ARHGAP15: variants seen among roughly 807,000 people sequenced by gnomAD.
ARHGAP15 encodes the protein rho GTPase-activating protein 15.
A neutral mutation model predicts 63.7 loss-of-function variants in ARHGAP15; 51 were observed. That is an observed-to-expected ratio of 0.80 (90% confidence interval 0.64 to 1.01). The LOEUF (loss-of-function observed/expected upper bound fraction) is 1.01, where lower values mean the gene tolerates loss of function less well. ARHGAP15 is among the 50% of genes least tolerant of loss of function. ARHGAP15 has a pLI of 0.00. For synonymous variants in ARHGAP15, 191 were observed against 193.8 expected (o/e 0.99, Z 0.12); for missense variants, 560 against 564.6 (o/e 0.99, Z 0.08).
intron 12 of ARHGAP15, among the ~76,000 whole-genome samples, chr2:143,661,185 C>T (rs77696964): frequency 0.019 from 2,885 of 152,216 alleles, 49 homozygotes; most frequent in Non-Finnish European, 0.026. Context: ...CAGATCAGGC[C>T]CACCCCAATA....
chr2:143,707,303 T>C (rs1181629856), intron 13 of ARHGAP15, among the ~76,000 whole-genome samples: 4 of 152,220 alleles, frequency 2.6e-5, no homozygotes, highest in African/African-American at 9.6e-5. Flanking sequence ...TTGTCTCCCA[T>C]ATCCAGTCAG....
chr2:143,341,677 C>CT (rs1487620119), intron 6 of ARHGAP15, among the ~76,000 whole-genome samples: 1 of 152,040 alleles, frequency 6.6e-6, no homozygotes, highest in Admixed American at 6.6e-5. Flanking sequence ...AAATTTCTTG[C>CT]TTACTCTGCA....
At chr2:143,304,170 CATT>C (rs1438447403) in intron 6 of ARHGAP15, among the ~76,000 whole-genome samples, 1 of 152,072 alleles carries the variant, frequency 6.6e-6, no homozygotes, top group East Asian at 1.9e-4. Context: ...TTTATTGTGG[CATT>C]ATTCACAATA....
At chr2:143,288,777 G>A (rs1273633572) in intron 6 of ARHGAP15, among the ~76,000 whole-genome samples, 1 of 151,758 alleles carries the variant, frequency 6.6e-6, no homozygotes, top group Non-Finnish European at 1.5e-5. Context: ...CTCAGCAGAA[G>A]AGGATTGCTG....
intron 6 of ARHGAP15, among the ~76,000 whole-genome samples, chr2:143,323,921 A>AAAAAAAAAAC (rs1558893097): frequency 6.7e-6 from 1 of 149,654 alleles, no homozygotes; most frequent in Admixed American, 6.7e-5. Flanking sequence ...AAAAAAAAAA[A>AAAAAAAAAAC]AACACCTAAA....
At chr2:143,325,428 G>A (rs1042499178) in intron 6 of ARHGAP15, among the ~76,000 whole-genome samples, 1 of 151,920 alleles carries the variant, frequency 6.6e-6, no homozygotes, top group Non-Finnish European at 1.5e-5. Flanking sequence ...CCTGTCACAG[G>A]ATGATGATGA....
chr2:143,232,934 C>T (rs572983309), intron 5 of ARHGAP15, among the ~76,000 whole-genome samples: 10 of 152,026 alleles, frequency 6.6e-5, no homozygotes, highest in African/African-American at 2.2e-4. Flanking sequence ...TGGGAGGATA[C>T]ACTTTGTTTC....
intron 9 of ARHGAP15, among the ~76,000 whole-genome samples, chr2:143,514,131 G>A (rs919304259): frequency 4.3e-4 from 65 of 152,156 alleles, no homozygotes; most frequent in African/African-American, 1.5e-3. Context: ...GTAGCTGCTT[G>A]TGACAGTTAT....
intron 9 of ARHGAP15, among the ~76,000 whole-genome samples, chr2:143,494,569 G>T (rs765675848): frequency 1.3e-5 from 2 of 151,982 alleles, no homozygotes; most frequent in South Asian, 2.1e-4. Context: ...ATTTTAAATT[G>T]TTCTCTTCTG....
intron 12 of ARHGAP15, among the ~76,000 whole-genome samples, chr2:143,698,673 G>A (rs1323507101): frequency 6.6e-6 from 1 of 152,122 alleles, no homozygotes; most frequent in Admixed American, 6.5e-5. Flanking sequence ...CTTAGAGATT[G>A]AAGAGGCTAT....
chr2:143,689,683 C>T (rs1449458449), intron 12 of ARHGAP15, among the ~76,000 whole-genome samples: 1 of 152,132 alleles, frequency 6.6e-6, no homozygotes, highest in Non-Finnish European at 1.5e-5. Context: ...AATTTTCTCC[C>T]ACCCTAATTC....
At chr2:143,635,979 A>G (rs1337558858) in intron 12 of ARHGAP15, among the ~76,000 whole-genome samples, 1 of 152,018 alleles carries the variant, frequency 6.6e-6, no homozygotes, top group African/African-American at 2.4e-5. Flanking sequence ...TAACACCTTT[A>G]TTTTTCAGAA....
intron 9 of ARHGAP15, among the ~76,000 whole-genome samples, chr2:143,517,239 G>A (rs1693862741): frequency 6.6e-6 from 1 of 152,098 alleles, no homozygotes; most frequent in African/African-American, 2.4e-5. Flanking sequence ...GAGTCACCAT[G>A]CCCGGCCTGG....
In ARHGAP15 at chr2:143,436,861, G is replaced by C. The variant is rs369879273; in HGVS notation, c.574-52G>C. The C allele has an allele frequency of 7.6e-6, 12 of 1,575,852 alleles. No individual in the cohort carries two copies. The African/African-American group carries it at 1.7e-4, about 22-fold the overall frequency. On this transcript the variant is annotated intron_variant, in intron 7 of 13. Transcript: ENST00000295095. ...AAAATTGAACACAAAATTCTATGGT[G>C]AATCCTTTCTTTCTAGTAAAATTAT...
At chr2:143,396,318 T>C (rs1197834598) in intron 6 of ARHGAP15, among the ~76,000 whole-genome samples, 2 of 152,130 alleles carry the variant, frequency 1.3e-5, no homozygotes, top group South Asian at 2.1e-4. Context: ...ACGTTATTAG[T>C]AATATCAGAA....
intron 6 of ARHGAP15, among the ~76,000 whole-genome samples, chr2:143,320,114 TAGAG>T (rs750571856): frequency 2.6e-5 from 4 of 152,316 alleles, no homozygotes; most frequent in South Asian, 4.1e-4. Flanking sequence ...TCTTGGTAGG[TAGAG>T]AGACAGATGG....
chr2:143,397,863 G>T (rs1394672761), intron 6 of ARHGAP15, among the ~76,000 whole-genome samples: 1 of 151,984 alleles, frequency 6.6e-6, no homozygotes, highest in African/African-American at 2.4e-5. Flanking sequence ...AATGTATATA[G>T]ATAGATTCAT....
At chr2:143,310,066 A>G (rs941731360) in intron 6 of ARHGAP15, among the ~76,000 whole-genome samples, 3 of 152,072 alleles carry the variant, frequency 2.0e-5, no homozygotes, top group Admixed American at 6.6e-5. Flanking sequence ...AATAGCATGA[A>G]TATGGTCTAA....
At chr2:143,346,196 T>TCTCACACACACA (rs1558909494) in intron 6 of ARHGAP15, among the ~76,000 whole-genome samples, 1 of 142,450 alleles carries the variant, frequency 7.0e-6, no homozygotes, top group African/African-American at 2.7e-5. Flanking sequence ...ACACACACTC[T>TCTCACACACACA]CTCTCTCACA....
Sources: gnomAD v4.1 joint callset for allele counts (sites outside exome capture counted in the v4.1 genomes callset) on GRCh38, gnomAD v4.1.1 for gene constraint, MANE v1.5 for transcripts, NCBI Gene and HGNC (gene_info 2026-07-23, HGNC 2026-07-21) for gene names.